The following PDS5A variants were observed in gnomAD, a reference collection of about 807,000 sequenced individuals.
PDS5A encodes PDS5 cohesin associated factor A.
In PDS5A, 42 loss-of-function variants were observed where a neutral mutation model predicts 167.1. That is an observed-to-expected ratio of 0.25 (90% CI 0.20 to 0.33). The LOEUF (loss-of-function observed/expected upper bound fraction) is 0.33, where lower values mean the gene tolerates loss of function less well. Among genes scored for constraint, PDS5A ranks in the 10% least tolerant of loss-of-function variants. The pLI is 1.00. For synonymous variants in PDS5A, 553 were observed against 554.6 expected, an observed-to-expected ratio of 1.00 and a Z score of 0.04; for missense variants, 1,033 against 1,605.9, an observed-to-expected ratio of 0.64 and a Z score of 6.10.
intron 24 of PDS5A, 92 bp from the exon 25 acceptor site, chr4:39,863,165 G>A (rs1198717563): frequency 6.8e-6 from 7 of 1,034,318 alleles, no homozygotes; most frequent in Middle Eastern, 4.2e-4. Flanking sequence ...TTAAAAAGAA[G>A]ATAATTATAT....
Position 39,873,041 on chromosome 4 carries a change from G to T in PDS5A, c.2381C>A (p.Pro794Gln). ...AAAATTTGCTACTACAGATTTCATT[G>T]GGGAAGCAAACTGATCTGGTGCTAA... Reference protein sequence around the residue: ...SMLAPDQFASPMKSVVANFIV... With the variant: ...SMLAPDQFASQMKSVVANFIV... Residue 794 changes from proline to glutamine, a missense_variant, in exon 21 of 33, where the codon CCA becomes CAA. Pro to Gln is a moderately conservative substitution (Grantham distance 76). Transcript: ENST00000303538. 1 of 1,539,170 alleles carries T rather than the reference G, an allele frequency of 6.5e-7. No homozygotes were observed. The highest frequency in any genetic ancestry group is 8.8e-7 in the Non-Finnish European group (1 of 1,130,298).
intron 2 of PDS5A, among the ~76,000 whole-genome samples, chr4:39,975,263 G>C (rs965215556): frequency 2.0e-5 from 3 of 152,096 alleles, no homozygotes; most frequent in Admixed American, 6.6e-5. Context: ...TTTAATGAAA[G>C]GAACTGTTGT....
chr4:39,860,082 A>C (rs1035439955), intron 26 of PDS5A, among the ~76,000 whole-genome samples: 1 of 152,090 alleles, frequency 6.6e-6, no homozygotes, highest in African/African-American at 2.4e-5. Flanking sequence ...AAGAGAGAGA[A>C]AAAAAAAGGT....
intron 32 of PDS5A, 125 bp downstream of exon 32, chr4:39,837,731 C>A: frequency 1.5e-6 from 1 of 665,370 alleles, no homozygotes; most frequent in South Asian, 2.1e-5. Context: ...TAAACGGACC[C>A]AGGAAAACCA....
intron 5 of PDS5A, among the ~76,000 whole-genome samples, chr4:39,923,653 AC>A (rs1725212005): frequency 6.6e-6 from 1 of 151,752 alleles, no homozygotes; most frequent in Admixed American, 6.6e-5. Flanking sequence ...ACACACACAC[AC>A]ACACACACAC....
intron 29 of PDS5A, among the ~76,000 whole-genome samples, chr4:39,845,272 A>G (rs1717490943): frequency 6.6e-6 from 1 of 152,198 alleles, no homozygotes; most frequent in Non-Finnish European, 1.5e-5. Flanking sequence ...AGTCATAAGC[A>G]TATCTCTACT....
rs968297209 is a variant in PDS5A at position 39,823,337 on chromosome 4, C to A, written c.*2148G>T. 3.9e-5 allele frequency: 6 copies of A among 152,184 alleles called. No homozygotes were observed. Among genetic ancestry groups the A allele is most frequent in the African/African-American group, 1.2e-4 (5 of 41,436 alleles). The allele number at this position is 152,184 out of a possible 1,614,324, so 9.4% of individuals were successfully genotyped here. On this transcript the variant is annotated 3_prime_UTR_variant, in exon 33 of 33. Coordinates refer to ENST00000303538, the MANE Select transcript of PDS5A (RefSeq NM_001100399.2). The stretch of plus-strand genomic sequence containing the variant: ...CATCATGTTACAAAATTGGGGTGGG[C>A]CACTTACATCATACAAGGAGCAAAT...
chr4:39,940,050 G>A (rs774662642), intron 2 of PDS5A, among the ~76,000 whole-genome samples: 70 of 152,216 alleles, frequency 4.6e-4, no homozygotes, highest in Non-Finnish European at 9.1e-4. Context: ...TTGAAGTCAG[G>A]AGTTTAAGAT....
At chr4:39,934,922 A>C (rs983040046) in intron 2 of PDS5A, among the ~76,000 whole-genome samples, 2 of 152,058 alleles carry the variant, frequency 1.3e-5, no homozygotes, top group African/African-American at 4.8e-5. Context: ...TCTGGGTACC[A>C]ATCCTTTATC....
chr4:39,907,902 G>A (rs542732725), intron 11 of PDS5A, among the ~76,000 whole-genome samples: 82 of 152,198 alleles, frequency 5.4e-4, no homozygotes, highest in South Asian at 1.2e-3. Flanking sequence ...TTTTTCAACT[G>A]CATCAAATGG....
At chr4:39,965,357 CA>C (rs1330627252) in intron 2 of PDS5A, among the ~76,000 whole-genome samples, 1 of 152,166 alleles carries the variant, frequency 6.6e-6, no homozygotes, top group Non-Finnish European at 1.5e-5. Context: ...TCATCTAGAC[CA>C]ATCTAGTCAC....
intron 32 of PDS5A, among the ~76,000 whole-genome samples, chr4:39,830,493 T>C (rs1324306122): frequency 6.6e-6 from 1 of 152,212 alleles, no homozygotes; most frequent in Non-Finnish European, 1.5e-5. Context: ...GGCAAGATCT[T>C]GGCTCACTGC....
intron 2 of PDS5A, among the ~76,000 whole-genome samples, chr4:39,957,419 C>T (rs1729026433): frequency 6.6e-6 from 1 of 152,124 alleles, no homozygotes; most frequent in Admixed American, 6.6e-5. Flanking sequence ...AAATTTTACT[C>T]ATCCACGGCT....
At chr4:39,900,618 C>A in intron 13 of PDS5A, 111 bp from the exon 14 acceptor site, 1 of 672,648 alleles carries the variant, frequency 1.5e-6, no homozygotes, top group Non-Finnish European at 2.7e-6. Flanking sequence ...CTACATCTAC[C>A]TAAAAGTTTA....
intron 2 of PDS5A, among the ~76,000 whole-genome samples, chr4:39,954,675 A>T (rs866375575): frequency 0.065 from 9,164 of 140,618 alleles, 195 homozygotes; most frequent in Middle Eastern, 0.079. Flanking sequence ...ATAAGTAAAA[A>T]AAAAAAAAAA....
At chr4:39,944,872 C>A (rs1352903463) in intron 2 of PDS5A, among the ~76,000 whole-genome samples, 1 of 151,742 alleles carries the variant, frequency 6.6e-6, no homozygotes, top group Non-Finnish European at 1.5e-5. Context: ...ATATTTTGAC[C>A]CTCACATAAT....
chr4:39,954,480 G>A (rs1021158200), intron 2 of PDS5A, among the ~76,000 whole-genome samples: 2 of 151,934 alleles, frequency 1.3e-5, no homozygotes, highest in East Asian at 1.9e-4. Context: ...CACCACCCTC[G>A]GCTAATTTTT....
intron 15 of PDS5A, 111 bp from the exon 16 acceptor site, chr4:39,898,639 C>G (rs954629995): frequency 3.2e-6 from 3 of 936,254 alleles, no homozygotes; most frequent in Non-Finnish European, 4.7e-6. Context: ...AGAAAATCAG[C>G]CTAGCTGGTT....
intron 17 of PDS5A, among the ~76,000 whole-genome samples, chr4:39,888,687 C>CA (rs33987152): frequency 0.32 from 45,777 of 144,150 alleles, 7,388 homozygotes; most frequent in African/African-American, 0.39. Context: ...AAGCCAAGAA[C>CA]AACAAAAAAA....
Sources: gnomAD v4.1 joint callset for allele counts (sites outside exome capture counted in the v4.1 genomes callset) on GRCh38, gnomAD v4.1.1 for gene constraint, MANE v1.5 for transcripts, NCBI Gene and HGNC (gene_info 2026-07-23, HGNC 2026-07-21) for gene names.